LATS1: variants seen among roughly 807,000 people sequenced by gnomAD.
The protein encoded by LATS1 is large tumor suppressor kinase 1.
Under a neutral mutation model 106.6 loss-of-function variants are expected in LATS1, and 25 were observed. The ratio of observed to expected loss-of-function variants is 0.23; its 90% confidence interval spans 0.17 to 0.33. LATS1 has a LOEUF of 0.33. LATS1 is among the 10% of genes least tolerant of loss of function. LATS1 has a pLI of 1.00. For synonymous variants in LATS1, 465 were observed against 455.6 expected, an observed-to-expected ratio of 1.02 and a Z score of -0.26; for missense variants, 1,040 against 1,382.6, an observed-to-expected ratio of 0.75 and a Z score of 3.93.
rs1780808125 is a variant in LATS1 at position 149,659,374 on chromosome 6, T to C, written c.*2355A>G. On this transcript the variant is annotated 3_prime_UTR_variant, in exon 8 of 8. Transcript: ENST00000543571. Reference sequence around the variant, plus strand: ...ACTTGGGAGGCTGAGGCGGGAGGACTGCGTGAGCCCCCAAGGTTGAGGATG... The same window carrying C: ...ACTTGGGAGGCTGAGGCGGGAGGACCGCGTGAGCCCCCAAGGTTGAGGATG... 1 of 202,356 alleles carries C rather than the reference T, an allele frequency of 4.9e-6. No homozygotes were observed. Among genetic ancestry groups the C allele is most frequent in the East Asian group, 7.5e-5 (1 of 13,324 alleles). The allele number at this position is 202,356 out of a possible 1,614,324, so 12.5% of individuals were successfully genotyped here.
chr6:149,695,676 G>GACAAAA (rs1308210617), intron 2 of LATS1, among the ~76,000 whole-genome samples: 1 of 134,168 alleles, frequency 7.5e-6, no homozygotes. Context: ...TGCTGTCTTG[G>GACAAAA]AAAAAAAAAA....
Position 149,713,271 on chromosome 6 carries a change from ATC to A in LATS1, c.-141+4576_-141+4577del, listed in dbSNP as rs1314258455. ...AACTTAACCATACATAAAAGTCGAAATCTCTGTTACCTCAATTGTATTATTTT... is the reference window on the plus strand; with the variant it reads ...AACTTAACCATACATAAAAGTCGAAATCTGTTACCTCAATTGTATTATTTT... On this transcript the variant is annotated intron_variant, in intron 1 of 7. Coordinates refer to ENST00000543571, the MANE Select transcript of LATS1 (RefSeq NM_004690.4). Among the ~76,000 whole-genome samples the A allele has an allele frequency of 1.1e-3, 173 of 151,844 alleles. 1 individual carries two copies. The highest frequency in any genetic ancestry group is 1.6e-4 in the Non-Finnish European group (11 of 67,898).
At chr6:149,677,975 G>A (rs1292963426) in intron 5 of LATS1, among the ~76,000 whole-genome samples, 9 of 149,880 alleles carry the variant, frequency 6.0e-5, no homozygotes, top group Non-Finnish European at 1.2e-4. Flanking sequence ...GGCCGAGATC[G>A]CGCCACTGCA....
chr6:149,683,355 C>A lies in LATS1; in HGVS notation c.1734G>T (p.Lys578Asn). 1 of 1,614,154 alleles carries A rather than the reference C, an allele frequency of 6.2e-7. No homozygotes were observed. The highest frequency in any genetic ancestry group is 1.1e-5 in the South Asian group (1 of 91,080). The change falls in exon 4 of 8, where the codon AAG becomes AAT. Residue 578 changes from lysine to asparagine, a missense_variant. By Grantham distance (94) the Lys-to-Asn change is moderately conservative (BLOSUM62 0). This residue lies in a region of LATS1 where 624 missense variants were observed against 714.8 expected (regional missense o/e 0.87). Transcript: ENST00000543571. ...AGCTTGGCTGATCCTCTTTGCTAGG[C>A]TTACTGATTGACTCGTATGGAGGAA... ...PSVPPYESIS[K>N]PSKEDQPSLP... is the part of the protein sequence containing the mutation.
chr6:149,693,353 T>A (rs1201689077), intron 3 of LATS1, among the ~76,000 whole-genome samples: 1 of 151,508 alleles, frequency 6.6e-6, no homozygotes. Context: ...GGCTCATACC[T>A]GTAATCCCAG....
At position 149,717,902 on chromosome 6, in the gene LATS1, C is replaced by A; in HGVS notation, c.-194G>T. On this transcript the variant is annotated 5_prime_UTR_variant, in exon 1 of 8. Coordinates refer to ENST00000543571, the MANE Select transcript of LATS1 (RefSeq NM_004690.4). Reference sequence around the variant, plus strand: ...GCGGCCACGGGCCTGAGGGCGGACGCTGAGGCGGCCAGAGTCCGTCCCAGC... The same window carrying A: ...GCGGCCACGGGCCTGAGGGCGGACGATGAGGCGGCCAGAGTCCGTCCCAGC... 2 of 370,844 alleles carry A rather than the reference C, an allele frequency of 5.4e-6. No individual in the cohort carries two copies. The highest frequency in any genetic ancestry group is 5.3e-6 in the Non-Finnish European group (1 of 190,240). The allele number at this position is 370,844 out of a possible 1,614,324, so 23.0% of individuals were successfully genotyped here. A position where few individuals can be genotyped will look rare whatever the true frequency, so the allele number is the denominator to read the frequency against.
At chr6:149,685,948 A>G (rs1407204177) in intron 3 of LATS1, among the ~76,000 whole-genome samples, 1 of 152,200 alleles carries the variant, frequency 6.6e-6, no homozygotes, top group East Asian at 1.9e-4. Flanking sequence ...ATTAAAGATG[A>G]AATCATGTAA....
chr6:149,711,559 AT>A (rs796835014), intron 1 of LATS1, among the ~76,000 whole-genome samples: 1 of 151,388 alleles, frequency 6.6e-6, no homozygotes, highest in Admixed American at 6.6e-5. Context: ...ACAAAATGAA[AT>A]TTTTTTTTCT....
intron 7 of LATS1, among the ~76,000 whole-genome samples, chr6:149,663,351 G>A (rs1780976734): frequency 6.6e-6 from 1 of 152,144 alleles, no homozygotes; most frequent in Non-Finnish European, 1.5e-5. Context: ...GGTTGGTGGT[G>A]TACACCTGTG....
chr6:149,664,806 C>T (rs1781058608), intron 7 of LATS1, among the ~76,000 whole-genome samples: 1 of 152,186 alleles, frequency 6.6e-6, no homozygotes, highest in South Asian at 2.1e-4. Context: ...CCTCCCACCT[C>T]AGCCTCCCGA....
rs757581727 is a variant in LATS1 at position 149,658,827 on chromosome 6, T to A, written c.*2902A>T. ...TCACTGGACAATGCATAACAGTATCTACAATTACATAATTATAGAACACAT... is the reference window on the plus strand; with the variant it reads ...TCACTGGACAATGCATAACAGTATCAACAATTACATAATTATAGAACACAT... On this transcript the variant is annotated 3_prime_UTR_variant, in exon 8 of 8. Transcript: ENST00000543571. 6.6e-6 allele frequency: 1 copy of A among 152,216 alleles called. No homozygotes were observed. Among genetic ancestry groups the A allele is most frequent in the Non-Finnish European group, 1.5e-5 (1 of 68,036 alleles). 9.4% of individuals were successfully genotyped at this position (152,216 alleles called of 1,614,324 possible). A position where few individuals can be genotyped will look rare whatever the true frequency, so the allele number is the denominator to read the frequency against.
At chr6:149,666,026 T>C (rs1296096942) in intron 7 of LATS1, among the ~76,000 whole-genome samples, 6 of 149,788 alleles carry the variant, frequency 4.0e-5, no homozygotes, top group Non-Finnish European at 8.9e-5. Flanking sequence ...CCTGTAGTCC[T>C]AGCTACCTGG....
At chr6:149,689,054 G>C (rs189900962) in intron 3 of LATS1, among the ~76,000 whole-genome samples, 203 of 152,132 alleles carry the variant, frequency 1.3e-3, no homozygotes, top group African/African-American at 4.7e-3. Flanking sequence ...TGTAATCCCA[G>C]CTACCTGGGA....
At chr6:149,672,240 C>T (rs1201260820) in intron 7 of LATS1, among the ~76,000 whole-genome samples, 6 of 149,842 alleles carry the variant, frequency 4.0e-5, no homozygotes, top group Non-Finnish European at 4.4e-5. Flanking sequence ...CATGGAGTCT[C>T]GCTCTGTCAC....
intron 5 of LATS1, among the ~76,000 whole-genome samples, chr6:149,679,107 AAAAGT>A (rs1241554406): frequency 1.3e-5 from 2 of 152,288 alleles, no homozygotes; most frequent in South Asian, 2.1e-4. Flanking sequence ...AAGGATCGAT[AAAAGT>A]AAAGAACCGA....
chr6:149,672,208 TTTC>T (rs1021390564), intron 7 of LATS1, among the ~76,000 whole-genome samples: 2 of 147,876 alleles, frequency 1.4e-5, no homozygotes, highest in African/African-American at 5.0e-5. Flanking sequence ...TATGATTTCT[TTTC>T]TTTTCTTTTT....
chr6:149,678,031 AC>A (rs1245532728), intron 5 of LATS1, among the ~76,000 whole-genome samples: 13 of 143,146 alleles, frequency 9.1e-5, no homozygotes, highest in East Asian at 4.3e-4. Flanking sequence ...AAAAAAAAAA[AC>A]AAACAGGCTG....
intron 3 of LATS1, among the ~76,000 whole-genome samples, chr6:149,691,765 C>G (rs898401749): frequency 2.0e-5 from 3 of 152,242 alleles, no homozygotes; most frequent in African/African-American, 7.2e-5. Context: ...TACATCCCCA[C>G]CTCCCTACTT....
chr6:149,700,811 T>C (rs994552959), intron 2 of LATS1, among the ~76,000 whole-genome samples: 11 of 152,206 alleles, frequency 7.2e-5, no homozygotes, highest in Non-Finnish European at 7.3e-5. Context: ...GAGATGGAGT[T>C]TCCCTCTTGT....
Sources: allele counts gnomAD v4.1 joint callset (sites outside exome capture counted in the v4.1 genomes callset), GRCh38; gene constraint gnomAD v4.1.1; regional missense constraint gnomAD v4.1.1; transcripts MANE v1.5; gene names NCBI Gene and HGNC (gene_info 2026-07-23, HGNC 2026-07-21).